SORT1: variants seen among roughly 807,000 people sequenced by gnomAD.
SORT1 encodes sortilin.
In SORT1, 39 loss-of-function variants were observed where a neutral mutation model predicts 101.7. That is an observed-to-expected ratio of 0.38 (90% CI 0.30 to 0.50). The LOEUF is 0.50. Ranked by LOEUF, SORT1 falls within the 20% of genes least tolerant of loss-of-function variation. SORT1 has a pLI of 0.90. For synonymous variants in SORT1, 396 were observed against 393.7 expected, an observed-to-expected ratio of 1.01 and a Z score of -0.07; for missense variants, 878 against 1,040.4, an observed-to-expected ratio of 0.84 and a Z score of 2.15.
intron 3 of SORT1, among the ~76,000 whole-genome samples, chr1:109,363,443 G>A (rs911855696): frequency 1.1e-4 from 17 of 152,066 alleles, no homozygotes; most frequent in African/African-American, 3.9e-4. Context: ...ATGCATATGT[G>A]TGTGTATGCA....
chr1:109,327,446 C>A, intron 12 of SORT1, 53 bp downstream of exon 12: 1 of 1,115,756 alleles, frequency 9.0e-7, no homozygotes, highest in South Asian at 1.4e-5. Flanking sequence ...GGCTGAGTTT[C>A]AGTGTGCTCA....
chr1:109,320,704 C>T (rs913069747), intron 15 of SORT1, among the ~76,000 whole-genome samples: 4 of 152,208 alleles, frequency 2.6e-5, no homozygotes, highest in African/African-American at 9.7e-5. Flanking sequence ...CACCTGGCAC[C>T]TTCTGTTTTG....
At chr1:109,379,143 A>T (rs969354901) in intron 1 of SORT1, among the ~76,000 whole-genome samples, 7 of 145,858 alleles carry the variant, frequency 4.8e-5, no homozygotes, top group Admixed American at 2.8e-4. Flanking sequence ...ACGCCGTCTC[A>T]AAAAGAAAAA....
chr1:109,328,547 G>T (rs1293445433), intron 11 of SORT1, among the ~76,000 whole-genome samples: 1 of 152,174 alleles, frequency 6.6e-6, no homozygotes. Context: ...GTCTATACAA[G>T]TTCTTTGCCT....
Position 109,347,350 on chromosome 1 carries a change from C to T in SORT1, c.832+133G>A, listed in dbSNP as rs1649672006. On this transcript the variant is annotated intron_variant, in intron 7 of 19. Transcript: ENST00000256637. ...TTTACTTTCAAGATTTTAATAACCA[C>T]TAACAGCTTTCTTTAGCTATTACAA... The T allele has an allele frequency of 1.5e-5, 9 of 615,582 alleles. No individual in the cohort carries two copies. In the South Asian group the frequency reaches 1.6e-4, roughly 11 times the overall value. The allele number at this position is 615,582 out of a possible 1,614,324, so 38.1% of individuals were successfully genotyped here. A position where few individuals can be genotyped will look rare whatever the true frequency, so the allele number is the denominator to read the frequency against.
chr1:109,385,092 C>T (rs991901686), intron 1 of SORT1, among the ~76,000 whole-genome samples: 9 of 151,964 alleles, frequency 5.9e-5, no homozygotes, highest in African/African-American at 1.9e-4. Flanking sequence ...ACAACAACAA[C>T]AACAAAAAGA....
At chr1:109,349,072 C>T (rs149845896) in intron 6 of SORT1, among the ~76,000 whole-genome samples, 2 of 152,288 alleles carry the variant, frequency 1.3e-5, no homozygotes, top group African/African-American at 4.8e-5. Flanking sequence ...CCACCTGGTA[C>T]GGTGGCTCAT....
At chr1:109,362,643 A>T (rs759735570) in intron 3 of SORT1, among the ~76,000 whole-genome samples, 14 of 152,188 alleles carry the variant, frequency 9.2e-5, no homozygotes, top group Non-Finnish European at 1.3e-4. Flanking sequence ...AGAGAGTAAG[A>T]TATTGTAAAT....
intron 3 of SORT1, among the ~76,000 whole-genome samples, chr1:109,358,815 T>C (rs183747740): frequency 1.3e-5 from 2 of 149,520 alleles, no homozygotes; most frequent in African/African-American, 2.5e-5. Flanking sequence ...ATCGTGCCAC[T>C]GCACTGCAGC....
intron 5 of SORT1, among the ~76,000 whole-genome samples, chr1:109,351,927 C>T (rs138803090): frequency 3.1e-4 from 47 of 151,068 alleles, no homozygotes; most frequent in African/African-American, 1.1e-3. Context: ...CATAGTAGAA[C>T]GGGATGACTT....
At position 109,326,963 on chromosome 1, in the gene SORT1, C is replaced by G. The variant is rs1648119800; in HGVS notation, c.1643+29G>C. The G allele has an allele frequency of 3.9e-6, 6 of 1,554,934 alleles. 1 individual carries two copies. In the South Asian group the frequency reaches 7.2e-5, roughly 19 times the overall value. On this transcript the variant is annotated intron_variant, in intron 13 of 19. Transcript: ENST00000256637. ...TTCCCCCAGTTGCCCTCTATGCAGA[C>G]AGTGTGTGTGAGATGAGTTCATGCA...
At chr1:109,372,574 T>C (rs1651548121) in intron 1 of SORT1, among the ~76,000 whole-genome samples, 1 of 152,036 alleles carries the variant, frequency 6.6e-6, no homozygotes, top group Non-Finnish European at 1.5e-5. Context: ...AGGGATCACA[T>C]TTACCTTTCT....
chr1:109,364,731 C>T (rs1377835474), intron 3 of SORT1, among the ~76,000 whole-genome samples: 1 of 152,116 alleles, frequency 6.6e-6, no homozygotes, highest in Non-Finnish European at 1.5e-5. Context: ...TGCCTGAAGG[C>T]TTCAAATTCA....
chr1:109,326,908 T>A lies in SORT1; in HGVS notation c.1643+84A>T, dbSNP rs913864325. Reference sequence around the variant, plus strand: ...AAATGCAAAAATTTGAATTATAGTCTGTAACATCCCCCCAATAAACTGAAG... The same window carrying A: ...AAATGCAAAAATTTGAATTATAGTCAGTAACATCCCCCCAATAAACTGAAG... On this transcript the variant is annotated intron_variant, in intron 13 of 19. Transcript: ENST00000256637. The A allele has an allele frequency of 8.5e-6, 9 of 1,063,990 alleles. No individual in the cohort carries two copies. The African/African-American group carries it at 1.5e-4, about 17-fold the overall frequency. The allele number at this position is 1,063,990 out of a possible 1,614,324, so 65.9% of individuals were successfully genotyped here.
At position 109,311,403 on chromosome 1, in the gene SORT1, T is replaced by C. The variant is rs750665096; in HGVS notation, c.*2640A>G. 1.3e-5 allele frequency: 2 copies of C among 152,250 alleles called. No homozygotes were observed. Among genetic ancestry groups the C allele is most frequent in the Non-Finnish European group, 2.9e-5 (2 of 68,052 alleles). The allele number at this position is 152,250 out of a possible 1,614,324, so 9.4% of individuals were successfully genotyped here. ...AGTAGGACAAATTAGAAATCTATTTTTTTAGAAGCTGTAACAGATTTGGGC... is the reference window on the plus strand; with the variant it reads ...AGTAGGACAAATTAGAAATCTATTTCTTTAGAAGCTGTAACAGATTTGGGC... On this transcript the variant is annotated 3_prime_UTR_variant, in exon 20 of 20. Coordinates refer to ENST00000256637, the MANE Select transcript of SORT1 (RefSeq NM_002959.7).
Position 109,397,589 on chromosome 1 carries a change from G to C in SORT1, c.304C>G (p.Gln102Glu). ...FVAKLANNTH[Q>E]HVFDDLRGSV... is the part of the protein sequence containing the mutation. Reference sequence around the variant, plus strand: ...TCCCGGGCCCGGCGCCCGCTCACCTGGTGCGTGTTGTTGGCCAGCTTGGCG... The same window carrying C: ...TCCCGGGCCCGGCGCCCGCTCACCTCGTGCGTGTTGTTGGCCAGCTTGGCG... The change falls in exon 1 of 20, where the codon CAG becomes GAG. Residue 102 changes from glutamine to glutamate, a missense_variant and splice_region_variant. By Grantham distance (29) the Gln-to-Glu change is conservative. This residue lies in a region of SORT1 where 194 missense variants were observed against 145.9 expected (regional missense o/e 1.33). Transcript: ENST00000256637. The C allele has an allele frequency of 1.6e-6, 2 of 1,252,456 alleles. No individual in the cohort carries two copies. Among genetic ancestry groups the C allele is most frequent in the Non-Finnish European group, 1.0e-6 (1 of 985,012 alleles). 77.6% of individuals were successfully genotyped at this position (1,252,456 alleles called of 1,614,324 possible). A position where few individuals can be genotyped will look rare whatever the true frequency, so the allele number is the denominator to read the frequency against.
At chr1:109,396,593 G>A (rs1385463387) in intron 1 of SORT1, among the ~76,000 whole-genome samples, 1 of 152,206 alleles carries the variant, frequency 6.6e-6, no homozygotes, top group African/African-American at 2.4e-5. Context: ...TAACCAGGCA[G>A]TCCAAAGGGA....
chr1:109,369,723 T>A, intron 1 of SORT1, 134 bp from the exon 2 acceptor site: 1 of 657,072 alleles, frequency 1.5e-6, no homozygotes, highest in Non-Finnish European at 2.8e-6. Context: ...GGATTCCCAG[T>A]ACAAAATTTG....
At chr1:109,323,975 T>C (rs1217584960) in intron 14 of SORT1, among the ~76,000 whole-genome samples, 1 of 152,202 alleles carries the variant, frequency 6.6e-6, no homozygotes, top group East Asian at 1.9e-4. Context: ...GGTCTGCTCC[T>C]TCAGGAGTCA....
Sources: allele counts gnomAD v4.1 joint callset (sites outside exome capture counted in the v4.1 genomes callset), GRCh38; gene constraint gnomAD v4.1.1; regional missense constraint gnomAD v4.1.1; transcripts MANE v1.5; gene names NCBI Gene and HGNC (gene_info 2026-07-23, HGNC 2026-07-21).